The following COG5 variants were observed in gnomAD, a reference collection of about 807,000 sequenced individuals.
The protein encoded by COG5 is conserved oligomeric Golgi complex subunit 5.
In COG5, 86 loss-of-function variants were observed where a neutral mutation model predicts 110.4. The observed-to-expected ratio is 0.78, with a 90% CI of 0.65 to 0.93. COG5 has a LOEUF of 0.93. Among genes scored for constraint, COG5 ranks in the 40% least tolerant of loss-of-function variants. The probability of loss-of-function intolerance (pLI) is 0.00; values close to 1 mark genes in which losing one functional copy is unlikely to be tolerated. For synonymous variants in COG5, 360 were observed against 334.6 expected, an observed-to-expected ratio of 1.08 and a Z score of -0.83; for missense variants, 1,077 against 987.0, an observed-to-expected ratio of 1.09 and a Z score of -1.22.
At chr7:107,342,640 T>C (rs946055450) in intron 10 of COG5, among the ~76,000 whole-genome samples, 2 of 151,918 alleles carry the variant, frequency 1.3e-5, no homozygotes, top group Non-Finnish European at 2.9e-5. Flanking sequence ...ATCACGCCAC[T>C]GCATTCCAGC....
chr7:107,305,898 G>A (rs77936580), intron 11 of COG5, among the ~76,000 whole-genome samples: 23,791 of 151,944 alleles, frequency 0.16, 2,323 homozygotes, highest in Non-Finnish European at 0.22. Context: ...GGAGGGATAC[G>A]CACTTTGTAT....
chr7:107,341,191 A>T (rs1811142021), intron 10 of COG5, among the ~76,000 whole-genome samples: 1 of 152,204 alleles, frequency 6.6e-6, no homozygotes, highest in Non-Finnish European at 1.5e-5. Context: ...CAGGAAACAA[A>T]ACCAATGTAT....
At chr7:107,255,910 T>C (rs1264758421) in intron 16 of COG5, among the ~76,000 whole-genome samples, 1 of 152,144 alleles carries the variant, frequency 6.6e-6, no homozygotes, top group Non-Finnish European at 1.5e-5. Context: ...GACATAACTC[T>C]TCAGAGTTAA....
intron 8 of COG5, among the ~76,000 whole-genome samples, chr7:107,364,469 C>T (rs187728021): frequency 1.9e-4 from 29 of 152,136 alleles, no homozygotes; most frequent in Admixed American, 1.1e-3. Context: ...TGTATCAATA[C>T]GAAATTTCTA....
intron 10 of COG5, among the ~76,000 whole-genome samples, chr7:107,343,673 C>T (rs1259592102): frequency 6.6e-6 from 1 of 151,896 alleles, no homozygotes; most frequent in East Asian, 1.9e-4. Flanking sequence ...AGAGGGAGAC[C>T]CTGTCTCAAA....
chr7:107,365,382 T>A lies in COG5; in HGVS notation c.836-2962A>T, dbSNP rs185076972. Among the ~76,000 whole-genome samples, 9 of 151,870 alleles carry A rather than the reference T, an allele frequency of 5.9e-5. No homozygotes were observed. The East Asian group carries it at 1.7e-3, about 29-fold the overall frequency. On this transcript the variant is annotated intron_variant, in intron 8 of 21. Transcript: ENST00000297135. ...AAGACACAAACAATCAAACAAAACTTCAAACTTGAGATTATGAAGCATGCA... is the reference window on the plus strand; with the variant it reads ...AAGACACAAACAATCAAACAAAACTACAAACTTGAGATTATGAAGCATGCA...
intron 16 of COG5, among the ~76,000 whole-genome samples, chr7:107,255,955 C>T (rs1350940967): frequency 6.6e-6 from 1 of 152,042 alleles, no homozygotes; most frequent in Non-Finnish European, 1.5e-5. Context: ...TGACCTTGAG[C>T]AAGATATTAT....
intron 6 of COG5, among the ~76,000 whole-genome samples, chr7:107,493,665 A>G (rs1798101760): frequency 6.6e-6 from 1 of 152,190 alleles, no homozygotes; most frequent in African/African-American, 2.4e-5. Context: ...CTTAGATGAT[A>G]TCTTCTAGAA....
In COG5 at chr7:107,377,617, T is replaced by G. The variant is rs572026832; in HGVS notation, c.670-4857A>C. ...GCCAGACCTAGATCAGCATCCAAACTCTACCACATAGCAGTCAAAACCTAA... is the reference window on the plus strand; with the variant it reads ...GCCAGACCTAGATCAGCATCCAAACGCTACCACATAGCAGTCAAAACCTAA... On this transcript the variant is annotated intron_variant, in intron 7 of 21. Coordinates refer to ENST00000297135, the MANE Select transcript of COG5 (RefSeq NM_006348.5). 2.0e-5 allele frequency among the ~76,000 whole-genome samples: 3 copies of G among 152,330 alleles called. No individual in the cohort carries two copies. In the South Asian group the frequency reaches 6.2e-4, roughly 32 times the overall value.
intron 6 of COG5, among the ~76,000 whole-genome samples, chr7:107,421,458 A>G (rs1383075299): frequency 6.6e-6 from 1 of 152,188 alleles, no homozygotes; most frequent in Non-Finnish European, 1.5e-5. Context: ...TGGGTCACAA[A>G]ACAAACCTTA....
chr7:107,502,076 T>A (rs775550510), intron 6 of COG5, among the ~76,000 whole-genome samples: 1 of 152,144 alleles, frequency 6.6e-6, no homozygotes, highest in Non-Finnish European at 1.5e-5. Context: ...ATAAATAAAT[T>A]ATTTAGTGAT....
Position 107,458,943 on chromosome 7 carries a change from A to G in COG5, c.539-46311T>C, listed in dbSNP as rs546373083. ...ATTATATGTACATATATACACACAC[A>G]TTTATATTATTATATATATACAGCC... On this transcript the variant is annotated intron_variant, in intron 6 of 21. Transcript: ENST00000297135. Among the ~76,000 whole-genome samples, 12 of 151,364 alleles carry G rather than the reference A, an allele frequency of 7.9e-5. No homozygotes were observed. The East Asian group carries it at 2.3e-3, about 29-fold the overall frequency.
chr7:107,338,547 C>A (rs1810905623), intron 10 of COG5, among the ~76,000 whole-genome samples: 1 of 151,962 alleles, frequency 6.6e-6, no homozygotes, highest in Admixed American at 6.6e-5. Context: ...AGCTCCTAGA[C>A]CAAAATAAGG....
At chr7:107,400,286 C>T (rs1791330489) in intron 7 of COG5, among the ~76,000 whole-genome samples, 1 of 151,706 alleles carries the variant, frequency 6.6e-6, no homozygotes, top group African/African-American at 2.4e-5. Flanking sequence ...ATGTATAAAG[C>T]CAGATAAGAG....
At chr7:107,246,401 A>C (rs1802061921) in intron 17 of COG5, among the ~76,000 whole-genome samples, 1 of 152,238 alleles carries the variant, frequency 6.6e-6, no homozygotes, top group African/African-American at 2.4e-5. Flanking sequence ...GCACAGCAAA[A>C]GAAATTATCA....
chr7:107,523,348 T>A (rs185124722), intron 6 of COG5, among the ~76,000 whole-genome samples: 102 of 152,008 alleles, frequency 6.7e-4, no homozygotes, highest in Middle Eastern at 3.4e-3. Context: ...ATTTTTTGTA[T>A]ATTTATCTAG....
At chr7:107,248,295 G>T in intron 17 of COG5, 101 bp downstream of exon 17, 1 of 788,664 alleles carries the variant, frequency 1.3e-6, no homozygotes, top group Non-Finnish European at 2.3e-6. Context: ...AAAGGAACAA[G>T]GCCCTGGATG....
intron 13 of COG5, among the ~76,000 whole-genome samples, chr7:107,282,319 C>T (rs1036334747): frequency 6.6e-6 from 1 of 152,066 alleles, no homozygotes; most frequent in African/African-American, 2.4e-5. Flanking sequence ...ATAGCATTGT[C>T]AAGTTGCACA....
rs2116553713 is a variant in COG5, at chr7:107,248,847, GAGTT to G, written c.1750-352_1750-349del. ...ATGAACACATTTAAGTTTCACAAAA[GAGTT>G]AGGCAGGACCAAAAGTAATTATTTA... On this transcript the variant is annotated intron_variant, in intron 16 of 21. Transcript: ENST00000297135. 1.3e-5 allele frequency among the ~76,000 whole-genome samples: 2 copies of G among 152,340 alleles called. 1 individual carries two copies. The highest frequency in any genetic ancestry group is 4.1e-4 in the South Asian group (2 of 4,832).
Sources: allele counts gnomAD v4.1 joint callset (sites outside exome capture counted in the v4.1 genomes callset), GRCh38; gene constraint gnomAD v4.1.1; transcripts MANE v1.5; gene names NCBI Gene and HGNC (gene_info 2026-07-23, HGNC 2026-07-21).